Variants in MPP3 observed in about 807,000 individuals in gnomAD.
MPP3 encodes the protein MAGUK p55 scaffold protein 3.
Under a neutral mutation model 80.7 loss-of-function variants are expected in MPP3, and 48 were observed. The ratio of observed to expected loss-of-function variants is 0.59; its 90% CI spans 0.47 to 0.76. MPP3 has a LOEUF of 0.76. Ranked by LOEUF, MPP3 falls within the 30% of genes least tolerant of loss-of-function variation. MPP3 has a pLI of 0.00. For missense variants in MPP3, 620 were observed against 763.0 expected, an observed-to-expected ratio of 0.81 and a Z score of 2.21; for synonymous variants, 311 against 297.6, an observed-to-expected ratio of 1.04 and a Z score of -0.46.
chr17:43,815,407 T>C (rs2045067013), intron 14 of MPP3, among the ~76,000 whole-genome samples: 1 of 152,122 alleles, frequency 6.6e-6, no homozygotes, highest in Non-Finnish European at 1.5e-5. Context: ...TGAAACCAGC[T>C]GGGCAACATA....
In MPP3 at chr17:43,811,218, G is replaced by C. The variant is rs773619403; in HGVS notation, c.1256-13C>G. On this transcript the variant is annotated splice_polypyrimidine_tract_variant and intron_variant, in intron 16 of 19. Transcript: ENST00000398389. The stretch of plus-strand genomic sequence containing the variant: ...GGCCTGGTGGTATCTTTTAAAGAAA[G>C]AAGGAAAGCTGGGCAAAGAGATGTC... The C allele has an allele frequency of 3.1e-6, 5 of 1,606,842 alleles. No homozygotes were observed. In the Admixed American group the frequency reaches 6.7e-5, roughly 21 times the overall value.
At chr17:43,827,910 G>C in intron 7 of MPP3, 78 bp from the exon 8 acceptor site, 3 of 1,336,578 alleles carry the variant, frequency 2.2e-6, no homozygotes, top group African/African-American at 2.9e-5. Context: ...ACCCAACACA[G>C]CCTCCCCAGT....
At chr17:43,819,345 G>C (rs539015771) in intron 11 of MPP3, among the ~76,000 whole-genome samples, 1 of 152,344 alleles carries the variant, frequency 6.6e-6, no homozygotes, top group East Asian at 1.9e-4. Context: ...TGAAACATGA[G>C]GAACAGTCTA....
chr17:43,804,973 G>A (rs117930744), intron 19 of MPP3, among the ~76,000 whole-genome samples: 4,480 of 152,148 alleles, frequency 0.029, 89 homozygotes, highest in Non-Finnish European at 0.045. Context: ...AGCCAACACC[G>A]CACCATTGCG....
At chr17:43,815,297 A>G (rs1043467283) in intron 14 of MPP3, among the ~76,000 whole-genome samples, 1 of 152,122 alleles carries the variant, frequency 6.6e-6, no homozygotes, top group Non-Finnish European at 1.5e-5. Flanking sequence ...ACACCACTGC[A>G]CTCCAGTGTG....
Position 43,801,618 on chromosome 17 carries a change from T to C in MPP3, c.*83A>G. On this transcript the variant is annotated 3_prime_UTR_variant, in exon 20 of 20. Coordinates refer to ENST00000398389, the MANE Select transcript of MPP3 (RefSeq NM_001932.6). ...GGAGAATTCTCTCCCTCTCTGCGCT[T>C]GAGATTCCTTGATGGTAAAATGAGG... The C allele has an allele frequency of 8.1e-7, 1 of 1,237,768 alleles. No homozygotes were observed. The allele number at this position is 1,237,768 out of a possible 1,614,324, so 76.7% of individuals were successfully genotyped here.
chr17:43,828,595 T>G (rs58283314), intron 7 of MPP3, among the ~76,000 whole-genome samples: 40,308 of 152,178 alleles, frequency 0.26, 6,413 homozygotes, highest in African/African-American at 0.44. Context: ...AGGATTCCAC[T>G]CAAGGCACTT....
chr17:43,832,965 G>T, intron 1 of MPP3, 136 bp downstream of exon 1: 1 of 152,296 alleles, frequency 6.6e-6, no homozygotes, highest in South Asian at 1.9e-4. Context: ...GCCGAGGGGC[G>T]GGGTTGAGAC....
chr17:43,821,998 T>G (rs2045484917), intron 10 of MPP3, among the ~76,000 whole-genome samples: 1 of 152,172 alleles, frequency 6.6e-6, no homozygotes, highest in Non-Finnish European at 1.5e-5. Flanking sequence ...ATCAAGCATC[T>G]GGATCAAGAA....
Position 43,821,089 on chromosome 17 carries a change from C to T in MPP3, c.685-31G>A, listed in dbSNP as rs747459624. On this transcript the variant is annotated intron_variant, in intron 10 of 19. Coordinates refer to ENST00000398389, the MANE Select transcript of MPP3 (RefSeq NM_001932.6). The stretch of plus-strand genomic sequence containing the variant: ...CAAGGAGGGCTCTGGTGAGGCGGCC[C>T]TTCCCCAAGTGAGCACAGACAGGTC... The T allele has an allele frequency of 7.5e-6, 12 of 1,605,818 alleles. No individual in the cohort carries two copies. The East Asian group carries it at 2.5e-4, about 33-fold the overall frequency.
chr17:43,829,512 G>C (rs2045860682), intron 7 of MPP3, 142 bp downstream of exon 7: 7 of 938,918 alleles, frequency 7.5e-6, no homozygotes, highest in Admixed American at 5.0e-5. Context: ...GCACACAGAG[G>C]CACCACAGGG....
At position 43,814,210 on chromosome 17, in the gene MPP3, C is replaced by T. The variant is rs767356678; in HGVS notation, c.1161G>A (p.Leu387=). 11 of 1,613,330 alleles carry T rather than the reference C, an allele frequency of 6.8e-6. No homozygotes were observed. Among genetic ancestry groups the T allele is most frequent in the East Asian group, 6.7e-5 (3 of 44,878 alleles). The change falls in exon 15 of 20, where the codon CTG becomes CTA. Residue 387 remains leucine (L), a synonymous_variant. Coordinates refer to ENST00000398389, the MANE Select transcript of MPP3 (RefSeq NM_001932.6). ...GATGGCACCTACCGATCAGAACCAC[C>T]AGGCGGGGCCGCTCTCCGGGCTGGT... ...YQHQPGERPR[L]VVLIGSLGAR...
chr17:43,831,846 G>C, intron 3 of MPP3, 36 bp downstream of exon 3: 2 of 1,587,114 alleles, frequency 1.3e-6, no homozygotes, highest in Non-Finnish European at 1.7e-6. Context: ...CTTGTCTTCA[G>C]GACTGTGGCA....
At chr17:43,822,117 G>T (rs1332141084) in intron 10 of MPP3, among the ~76,000 whole-genome samples, 1 of 152,202 alleles carries the variant, frequency 6.6e-6, no homozygotes, top group African/African-American at 2.4e-5. Flanking sequence ...CCTCAAAGTT[G>T]CATGTGCGGA....
chr17:43,817,944 T>A, intron 12 of MPP3, 102 bp downstream of exon 12: 219 of 604,500 alleles, frequency 3.6e-4, no homozygotes, highest in Non-Finnish European at 4.5e-4. Context: ...ACAAGACCCC[T>A]GATGCCCCCT....
At position 43,818,090 on chromosome 17, in the gene MPP3, G is replaced by A. The variant is rs913951649; in HGVS notation, c.902C>T (p.Ala301Val). The change falls in exon 12 of 20, where the codon GCC (alanine) becomes GTC (valine). Residue 301 changes from alanine to valine, a missense_variant. Transcript: ENST00000398389. ...FQERRLSYRR[A>V]AGTLPSPQSL... Reference sequence around the variant, plus strand: ...CTGGGGGCTCGGCAGGGTGCCCGCGGCTCTCCGGTAGCTTAGTCGTCTGCA... The same window carrying A: ...CTGGGGGCTCGGCAGGGTGCCCGCGACTCTCCGGTAGCTTAGTCGTCTGCA... The A allele has an allele frequency of 3.2e-6, 5 of 1,570,082 alleles. No homozygotes were observed. The highest frequency in any genetic ancestry group is 1.2e-5 in the South Asian group (1 of 85,150).
Position 43,809,031 on chromosome 17 carries a change from A to C in MPP3, c.1506T>G (p.Phe502Leu). 3 of 1,610,572 alleles carry C rather than the reference A, an allele frequency of 1.9e-6. No homozygotes were observed. The highest frequency in any genetic ancestry group is 2.5e-6 in the Non-Finnish European group (3 of 1,179,156). The change falls in exon 19 of 20, where the codon TTT becomes TTG. Residue 502 changes from phenylalanine (F) to leucine (L), a missense_variant. Phe to Leu is a conservative substitution (Grantham distance 22). Coordinates refer to ENST00000398389, the MANE Select transcript of MPP3 (RefSeq NM_001932.6). ...TTTTTTCCTGAATTGCAGGCTTTAC[A>C]AATATAATATAGGGTTTAAATTCTG... The part of the protein sequence containing the change: ...RTSEFKPYII[F>L]VKPAIQEKRK...
intron 19 of MPP3, among the ~76,000 whole-genome samples, chr17:43,807,792 T>G (rs115314344): frequency 0.035 from 5,231 of 151,484 alleles, 281 homozygotes; most frequent in African/African-American, 0.12. Context: ...CCTGTCTCTA[T>G]AAAAAAATTT....
At chr17:43,812,526 C>G (rs1024359683) in intron 16 of MPP3, among the ~76,000 whole-genome samples, 2 of 152,208 alleles carry the variant, frequency 1.3e-5, no homozygotes, top group Non-Finnish European at 2.9e-5. Context: ...CAACACTGCT[C>G]CGTCCCTTTG....
Sources: allele counts gnomAD v4.1 joint callset (sites outside exome capture counted in the v4.1 genomes callset), GRCh38; gene constraint gnomAD v4.1.1; transcripts MANE v1.5; gene names NCBI Gene and HGNC (gene_info 2026-07-23, HGNC 2026-07-21).